MGAT4C: variants seen among roughly 807,000 people sequenced by gnomAD.
The protein encoded by MGAT4C is alpha-1,3-mannosyl-glycoprotein 4-beta-N-acetylglucosaminyltransferase C.
A neutral mutation model predicts 40.1 loss-of-function variants in MGAT4C; 19 were observed. That is an observed-to-expected ratio of 0.47 (90% CI 0.33 to 0.70). MGAT4C has a LOEUF of 0.70. Ranked by LOEUF, MGAT4C falls within the 30% of genes least tolerant of loss-of-function variation. MGAT4C has a pLI of 0.02. For missense variants in MGAT4C, 491 were observed against 563.2 expected (o/e 0.87, Z 1.30); for synonymous variants, 181 against 187.1 (o/e 0.97, Z 0.27).
At chr12:85,996,349 G>A (rs1474592315) in intron 2 of MGAT4C, among the ~76,000 whole-genome samples, 1 of 152,078 alleles carries the variant, frequency 6.6e-6, no homozygotes, top group East Asian at 1.9e-4. Flanking sequence ...AAATACACTG[G>A]CTAGTAGATA....
intron 1 of MGAT4C, among the ~76,000 whole-genome samples, chr12:86,834,139 T>C (rs1260016955): frequency 1.3e-5 from 2 of 151,352 alleles, no homozygotes; most frequent in Non-Finnish European, 2.9e-5. Context: ...TATCTGTCTA[T>C]ATACTTACAG....
intron 1 of MGAT4C, among the ~76,000 whole-genome samples, chr12:86,828,402 T>C (rs1490659090): frequency 1.3e-5 from 2 of 151,552 alleles, no homozygotes; most frequent in Non-Finnish European, 3.0e-5. Flanking sequence ...ACATTATGCA[T>C]AACCTTAATA....
intron 1 of MGAT4C, among the ~76,000 whole-genome samples, chr12:86,178,048 T>A (rs1043014100): frequency 1.3e-5 from 2 of 152,124 alleles, no homozygotes; most frequent in Non-Finnish European, 2.9e-5. Flanking sequence ...ACCATTCTCG[T>A]GCCTCAGCCT....
At chr12:86,320,279 A>C (rs1420963874) in intron 4 of MGAT4C, among the ~76,000 whole-genome samples, 3 of 152,188 alleles carry the variant, frequency 2.0e-5, no homozygotes, top group Non-Finnish European at 4.4e-5. Flanking sequence ...AACCCAAAGG[A>C]ATGAATAAAC....
At chr12:86,178,069 TG>T (rs1250885139) in intron 1 of MGAT4C, among the ~76,000 whole-genome samples, 2 of 152,114 alleles carry the variant, frequency 1.3e-5, no homozygotes, top group Admixed American at 6.6e-5. Context: ...CCCGAGTAGC[TG>T]GGACTACAGG....
At chr12:86,724,935 T>C (rs1432763981) in intron 2 of MGAT4C, among the ~76,000 whole-genome samples, 1 of 141,060 alleles carries the variant, frequency 7.1e-6, no homozygotes, top group Non-Finnish European at 1.6e-5. Context: ...AGGTAATGCA[T>C]TTTTTTAACT....
At chr12:86,235,066 C>T (rs754856114) in intron 1 of MGAT4C, among the ~76,000 whole-genome samples, 32 of 152,084 alleles carry the variant, frequency 2.1e-4, no homozygotes, top group Non-Finnish European at 4.0e-4. Flanking sequence ...ATAAAACAAA[C>T]AAAACCTCTC....
intron 1 of MGAT4C, among the ~76,000 whole-genome samples, chr12:86,772,579 T>C (rs1951657457): frequency 1.3e-5 from 2 of 152,056 alleles, no homozygotes; most frequent in African/African-American, 2.4e-5. Flanking sequence ...CACCTAAGGC[T>C]GAGGAGATGA....
chr12:86,445,851 AAGT>A (rs1957324493), intron 2 of MGAT4C, among the ~76,000 whole-genome samples: 1 of 152,148 alleles, frequency 6.6e-6, no homozygotes, highest in Non-Finnish European at 1.5e-5. Flanking sequence ...ATTTTGGAAA[AAGT>A]AGTCAATCTA....
chr12:86,024,977 A>C (rs1205613983), intron 2 of MGAT4C, among the ~76,000 whole-genome samples: 1 of 151,698 alleles, frequency 6.6e-6, no homozygotes, highest in Non-Finnish European at 1.5e-5. Flanking sequence ...CTATATGACA[A>C]TCTTGATTCA....
chr12:86,395,168 C>A (rs948029496), intron 3 of MGAT4C, among the ~76,000 whole-genome samples: 3 of 151,976 alleles, frequency 2.0e-5, no homozygotes, highest in East Asian at 3.9e-4. Context: ...AGGAAGCAGG[C>A]GATCTAGCTA....
rs1336412936 is a variant in MGAT4C, at chr12:86,327,563, G to A, written c.-57+6502C>T. Among the ~76,000 whole-genome samples, 3 of 151,966 alleles carry A rather than the reference G, an allele frequency of 2.0e-5. No individual in the cohort carries two copies. In the East Asian group the frequency reaches 5.8e-4, roughly 29 times the overall value. ...ACATCACATCTACTGTAGTGGAATT[G>A]AAATTATATAAATCAAATTTGTTTA... On this transcript the variant is annotated intron_variant, in intron 4 of 7. Coordinates refer to the MGAT4C transcript ENST00000548651.
intron 2 of MGAT4C, among the ~76,000 whole-genome samples, chr12:86,586,876 C>G (rs923589220): frequency 6.6e-6 from 1 of 151,866 alleles, no homozygotes; most frequent in South Asian, 2.1e-4. Flanking sequence ...GAGTAGGTTG[C>G]GAAAATTTTC....
At chr12:86,383,602 G>A (rs1955995793) in intron 3 of MGAT4C, among the ~76,000 whole-genome samples, 1 of 143,402 alleles carries the variant, frequency 7.0e-6, no homozygotes, top group African/African-American at 2.6e-5. Context: ...GACTGCCCTT[G>A]AATTTTGGTT....
chr12:86,647,933 A>T (rs2136530733), intron 2 of MGAT4C, among the ~76,000 whole-genome samples: 1 of 152,030 alleles, frequency 6.6e-6, no homozygotes, highest in African/African-American at 2.4e-5. Context: ...TTGTTTAAAT[A>T]AACTTAGTCA....
intron 1 of MGAT4C, among the ~76,000 whole-genome samples, chr12:86,074,173 C>A (rs569901853): frequency 2.0e-5 from 3 of 152,212 alleles, no homozygotes; most frequent in South Asian, 2.1e-4. Context: ...GTAAGAAGTG[C>A]CTTTCACTTC....
At chr12:86,825,613 G>A (rs1952791740) in intron 1 of MGAT4C, among the ~76,000 whole-genome samples, 1 of 151,366 alleles carries the variant, frequency 6.6e-6, no homozygotes, top group Non-Finnish European at 1.5e-5. Flanking sequence ...GAAATACAAG[G>A]AAAAATGGAA....
At chr12:86,638,389 C>G (rs1963283910) in intron 2 of MGAT4C, among the ~76,000 whole-genome samples, 1 of 151,704 alleles carries the variant, frequency 6.6e-6, no homozygotes, top group Admixed American at 6.6e-5. Context: ...AATGTCTGTG[C>G]TCTATTCAAA....
At chr12:86,240,535 T>TA (rs1229334745) in intron 1 of MGAT4C, among the ~76,000 whole-genome samples, 9 of 151,938 alleles carry the variant, frequency 5.9e-5, no homozygotes, top group East Asian at 1.9e-4. Flanking sequence ...TAGCAAAAAT[T>TA]AAAAAAAATG....
Sources: gnomAD v4.1 joint callset for allele counts (sites outside exome capture counted in the v4.1 genomes callset) on GRCh38, gnomAD v4.1.1 for gene constraint, MANE v1.5 for transcripts, NCBI Gene and HGNC (gene_info 2026-07-23, HGNC 2026-07-21) for gene names.